Variants in TMCC1 observed in about 807,000 individuals in gnomAD.
The protein encoded by TMCC1 is transmembrane and coiled-coil domains protein 1.
In TMCC1, 15 loss-of-function variants were observed where a neutral mutation model predicts 52.4. The ratio of observed to expected loss-of-function variants is 0.29; its 90% confidence interval spans 0.19 to 0.44. The LOEUF is 0.44. Ranked by LOEUF, TMCC1 falls within the 20% of genes least tolerant of loss-of-function variation. The probability of loss-of-function intolerance (pLI) is 1.00; values close to 1 mark genes in which losing one functional copy is unlikely to be tolerated. For synonymous variants in TMCC1, 279 were observed against 301.9 expected, an observed-to-expected ratio of 0.92 and a Z score of 0.79; for missense variants, 503 against 806.0, an observed-to-expected ratio of 0.62 and a Z score of 4.55.
intron 2 of TMCC1, among the ~76,000 whole-genome samples, chr3:129,859,373 C>T (rs942846300): frequency 2.0e-5 from 3 of 152,022 alleles, no homozygotes; most frequent in Non-Finnish European, 4.4e-5. Context: ...ATAGCTCACG[C>T]GTTATCCCAG....
Position 129,651,591 on chromosome 3 carries a change from G to A in TMCC1, c.1852C>T (p.Arg618Cys), listed in dbSNP as rs2086327662. Residue 618 changes from arginine to cysteine, a missense_variant, in exon 7 of 7, where the codon CGC becomes TGC. Arg to Cys is a radical substitution (Grantham distance 180, BLOSUM62 -3). Coordinates refer to ENST00000393238, the MANE Select transcript of TMCC1 (RefSeq NM_001017395.5). This position sits in a 1 kb window ranked among gnomAD's most constrained non-coding sequence, Gnocchi z 5.1. ...AATAAAGTGCTGAACGTCCTGTTGC[G>A]AGTCTTCATGAGGGGGACCACACAG... ...ANCVVPLMKT[R>C]NRTFSTLFLV... 2 of 1,614,210 alleles carry A rather than the reference G, an allele frequency of 1.2e-6. No homozygotes were observed. The highest frequency in any genetic ancestry group is 1.7e-6 in the Non-Finnish European group (2 of 1,180,042).
chr3:129,824,323 G>A (rs976336277), intron 4 of TMCC1, among the ~76,000 whole-genome samples: 4 of 151,328 alleles, frequency 2.6e-5, no homozygotes, highest in African/African-American at 9.8e-5. Flanking sequence ...GTGACAGAGC[G>A]TGACTCTGTG....
rs562483378 is a variant in TMCC1, at chr3:129,841,905, C to T, written c.-183-9079G>A. On this transcript the variant is annotated intron_variant, in intron 2 of 6. Transcript: ENST00000393238. The stretch of plus-strand genomic sequence containing the variant: ...GTTTCCTGAGGCCTCCCCAGCCATG[C>T]GGCACTGTGAGTCAATTAAACCTCT... 5.3e-5 allele frequency among the ~76,000 whole-genome samples: 8 copies of T among 152,206 alleles called. No individual in the cohort carries two copies. In the East Asian group the frequency reaches 1.5e-3, roughly 29 times the overall value.
Position 129,676,742 on chromosome 3 carries a change from A to G in TMCC1, c.577-5478T>C, listed in dbSNP as rs184577833. Reference sequence around the variant, plus strand: ...TCAAACCTAGCTTTATCACCTTACTAGCTGTGTGGTTTTGGGTCACCTACT... The same window carrying G: ...TCAAACCTAGCTTTATCACCTTACTGGCTGTGTGGTTTTGGGTCACCTACT... On this transcript the variant is annotated intron_variant, in intron 4 of 6. Transcript: ENST00000393238. Among the ~76,000 whole-genome samples the G allele has an allele frequency of 1.9e-4, 29 of 152,288 alleles. No homozygotes were observed. The Middle Eastern group carries it at 0.01, about 54-fold the overall frequency.
chr3:129,762,038 CTTT>C (rs1306028544), intron 4 of TMCC1, among the ~76,000 whole-genome samples: 7 of 119,502 alleles, frequency 5.9e-5, no homozygotes, highest in African/African-American at 9.0e-5. Context: ...AGATTTCTAA[CTTT>C]TTTTTTTTTT....
intron 2 of TMCC1, among the ~76,000 whole-genome samples, chr3:129,841,537 C>T (rs572790214): frequency 1.3e-5 from 2 of 152,198 alleles, no homozygotes; most frequent in East Asian, 3.9e-4. Context: ...GAGCCAAGAT[C>T]GTGTCATTGC....
chr3:129,815,646 A>G (rs2058060615), intron 4 of TMCC1, among the ~76,000 whole-genome samples: 1 of 152,202 alleles, frequency 6.6e-6, no homozygotes, highest in African/African-American at 2.4e-5. Flanking sequence ...TGAAACTACT[A>G]GAAGAAATCA....
chr3:129,663,641 A>G (rs1029856381), intron 5 of TMCC1, among the ~76,000 whole-genome samples: 21 of 152,198 alleles, frequency 1.4e-4, no homozygotes, highest in Non-Finnish European at 2.5e-4. Flanking sequence ...CAATATTTCA[A>G]GGGTAGGCAA....
chr3:129,871,189 T>A (rs1437914442), intron 2 of TMCC1, among the ~76,000 whole-genome samples: 1 of 151,786 alleles, frequency 6.6e-6, no homozygotes, highest in Non-Finnish European at 1.5e-5. Context: ...TAAAACCCCA[T>A]CTCTACCAAA....
chr3:129,767,031 G>C (rs746266181), intron 4 of TMCC1, among the ~76,000 whole-genome samples: 30 of 151,908 alleles, frequency 2.0e-4, no homozygotes, highest in Non-Finnish European at 2.6e-4. Flanking sequence ...GGAGGCCGAG[G>C]TGGGCAGATC....
At chr3:129,757,223 C>T (rs2053091326) in intron 4 of TMCC1, among the ~76,000 whole-genome samples, 1 of 152,128 alleles carries the variant, frequency 6.6e-6, no homozygotes, top group Middle Eastern at 3.2e-3. Flanking sequence ...AAAGATAATG[C>T]CCATGAACCT....
chr3:129,771,754 G>A (rs113498148), intron 4 of TMCC1, among the ~76,000 whole-genome samples: 13,263 of 122,628 alleles, frequency 0.11, 749 homozygotes, highest in Middle Eastern at 0.27. Context: ...CGGCCTGGGC[G>A]TCAGAGCAAG....
chr3:129,805,726 A>C (rs1424954233), intron 4 of TMCC1, among the ~76,000 whole-genome samples: 7 of 151,980 alleles, frequency 4.6e-5, no homozygotes, highest in African/African-American at 9.7e-5. Context: ...TGAGGTTAGG[A>C]GTTTGAGACC....
At chr3:129,817,455 TTAA>T (rs2058154883) in intron 4 of TMCC1, among the ~76,000 whole-genome samples, 1 of 152,076 alleles carries the variant, frequency 6.6e-6, no homozygotes, top group South Asian at 2.1e-4. Flanking sequence ...TCTTAATCAA[TTAA>T]TAATATCTGT....
intron 2 of TMCC1, among the ~76,000 whole-genome samples, chr3:129,851,091 G>C (rs2059897637): frequency 6.6e-6 from 1 of 152,224 alleles, no homozygotes; most frequent in South Asian, 2.1e-4. Flanking sequence ...TTTATGGCCA[G>C]ATTTTGGGGG....
intron 2 of TMCC1, among the ~76,000 whole-genome samples, chr3:129,876,798 C>T (rs1443307238): frequency 6.6e-6 from 1 of 150,854 alleles, no homozygotes; most frequent in African/African-American, 2.4e-5. Flanking sequence ...ACTAAAAATA[C>T]AAAAAAAAAT....
chr3:129,779,447 T>C (rs2055330180), intron 4 of TMCC1, among the ~76,000 whole-genome samples: 1 of 152,206 alleles, frequency 6.6e-6, no homozygotes, highest in Non-Finnish European at 1.5e-5. Context: ...CACTAAAAAT[T>C]CTTTCCAATA....
chr3:129,701,409 G>C (rs552841783), intron 4 of TMCC1, among the ~76,000 whole-genome samples: 4 of 152,288 alleles, frequency 2.6e-5, no homozygotes, highest in Admixed American at 2.6e-4. Flanking sequence ...TTCAGTAAGA[G>C]GTAGATTTTG....
intron 4 of TMCC1, among the ~76,000 whole-genome samples, chr3:129,824,680 T>A (rs564572614): frequency 6.7e-6 from 1 of 148,196 alleles, no homozygotes; most frequent in Non-Finnish European, 1.5e-5. Flanking sequence ...GGGAGAACAA[T>A]GAGAAAGCCA....
Sources: allele counts gnomAD v4.1 joint callset (sites outside exome capture counted in the v4.1 genomes callset), GRCh38; gene constraint gnomAD v4.1.1; non-coding constraint Gnocchi (gnomAD v3.1); transcripts MANE v1.5; gene names NCBI Gene and HGNC (gene_info 2026-07-23, HGNC 2026-07-21).